CNTN4: variants seen among roughly 807,000 people sequenced by gnomAD.
The protein encoded by CNTN4 is contactin-4.
CNTN4 carries 77 observed loss-of-function variants against 122.5 expected under a neutral mutation model. That is an observed-to-expected ratio of 0.63 (90% CI 0.52 to 0.76). The LOEUF (loss-of-function observed/expected upper bound fraction) is 0.76, where lower values mean the gene tolerates loss of function less well. CNTN4 is among the 30% of genes least tolerant of loss of function. The pLI, the probability that CNTN4 is intolerant of heterozygous loss-of-function variation, is 0.00. For missense variants in CNTN4, 1,256 were observed against 1,259.1 expected (o/e 1.00, Z 0.04); for synonymous variants, 512 against 447.0 (o/e 1.15, Z -1.83).
chr3:2,481,006 A>ATTCTTTCT (rs34152000), intron 3 of CNTN4, among the ~76,000 whole-genome samples: 4 of 123,980 alleles, frequency 3.2e-5, no homozygotes, highest in Non-Finnish European at 5.2e-5. Context: ...AGTTTTTTTA[A>ATTCTTTCT]TTCTTTCTTT....
At chr3:2,111,617 T>C (rs943908222) in intron 2 of CNTN4, among the ~76,000 whole-genome samples, 1 of 152,178 alleles carries the variant, frequency 6.6e-6, no homozygotes, top group Non-Finnish European at 1.5e-5. Context: ...TCATATCCTG[T>C]CTCTACTACT....
chr3:2,924,879 T>C (rs1045764864), intron 12 of CNTN4, among the ~76,000 whole-genome samples: 29 of 152,050 alleles, frequency 1.9e-4, no homozygotes, highest in African/African-American at 6.5e-4. Flanking sequence ...ATATGAAGAG[T>C]GCTATGGGAC....
intron 7 of CNTN4, among the ~76,000 whole-genome samples, chr3:2,851,167 T>C (rs964936987): frequency 6.6e-6 from 1 of 152,274 alleles, no homozygotes; most frequent in Non-Finnish European, 1.5e-5. Context: ...GCATTTTCTA[T>C]GGCGAATATA....
At chr3:2,390,262 TAG>T (rs1276998708) in intron 3 of CNTN4, among the ~76,000 whole-genome samples, 1 of 143,364 alleles carries the variant, frequency 7.0e-6, no homozygotes, top group Non-Finnish European at 1.5e-5. Context: ...ACAGAGGGCA[TAG>T]AAATTATAGA....
At chr3:3,039,883 C>T (rs1699986374) in intron 19 of CNTN4, 154 bp from the exon 20 acceptor site, 2 of 688,458 alleles carry the variant, frequency 2.9e-6, no homozygotes, top group Admixed American at 4.1e-5. Flanking sequence ...GATAGACTGA[C>T]TGCAAGCCCT....
At chr3:2,868,348 C>G (rs1037161489) in intron 8 of CNTN4, among the ~76,000 whole-genome samples, 6 of 152,162 alleles carry the variant, frequency 3.9e-5, no homozygotes, top group Non-Finnish European at 7.3e-5. Flanking sequence ...ACTCCAGAGC[C>G]TGATATCTTA....
intron 3 of CNTN4, among the ~76,000 whole-genome samples, chr3:2,469,688 G>C (rs1320594387): frequency 6.6e-6 from 1 of 152,148 alleles, no homozygotes; most frequent in African/African-American, 2.4e-5. Context: ...ATAGAAGCTA[G>C]AGGTACATTG....
rs1411305509 is a variant in CNTN4 at position 3,010,733 on chromosome 3, C to T, written c.1487-15369C>T. 3.9e-5 allele frequency among the ~76,000 whole-genome samples: 6 copies of T among 152,138 alleles called. No homozygotes were observed. In the East Asian group the frequency reaches 1.2e-3, roughly 29 times the overall value. ...TTAAGACCTACGTCGTTCACCTTCC[C>T]AGTGGTGTCAGGTCATCTCTACAAC... On this transcript the variant is annotated intron_variant, in intron 14 of 24. Coordinates refer to ENST00000418658, the MANE Select transcript of CNTN4 (RefSeq NM_175607.3).
intron 8 of CNTN4, among the ~76,000 whole-genome samples, chr3:2,877,552 G>A (rs1223779433): frequency 6.6e-6 from 1 of 152,160 alleles, no homozygotes; most frequent in Non-Finnish European, 1.5e-5. Flanking sequence ...GAAAAGTATG[G>A]CTGAGGTTGT....
intron 14 of CNTN4, 80 bp downstream of exon 14, chr3:2,988,552 T>G: frequency 7.1e-7 from 1 of 1,417,412 alleles, no homozygotes; most frequent in Non-Finnish European, 1.0e-6. Flanking sequence ...AGTGGCATCA[T>G]TCATATTAAT....
intron 3 of CNTN4, among the ~76,000 whole-genome samples, chr3:2,432,259 A>G (rs187309944): frequency 1.3e-5 from 2 of 152,338 alleles, no homozygotes; most frequent in Non-Finnish European, 2.9e-5. Context: ...CACTGTGCTT[A>G]TGCATTCATG....
At chr3:2,500,823 G>T (rs1027420177) in intron 3 of CNTN4, among the ~76,000 whole-genome samples, 2 of 151,998 alleles carry the variant, frequency 1.3e-5, no homozygotes, top group Admixed American at 6.6e-5. Context: ...GCAGGCTAAT[G>T]AGTCTTTGCA....
intron 7 of CNTN4, among the ~76,000 whole-genome samples, chr3:2,858,350 C>G (rs1190843613): frequency 6.6e-6 from 1 of 152,174 alleles, no homozygotes; most frequent in Non-Finnish European, 1.5e-5. Flanking sequence ...TTGAGAACCA[C>G]TTGTTATAGT....
chr3:2,235,200 G>T (rs1327710892), intron 2 of CNTN4, among the ~76,000 whole-genome samples: 4 of 152,086 alleles, frequency 2.6e-5, no homozygotes, highest in African/African-American at 7.2e-5. Context: ...TGATTATTGT[G>T]AATAGTTTGA....
intron 6 of CNTN4, among the ~76,000 whole-genome samples, chr3:2,752,033 A>G (rs1425423390): frequency 1.3e-5 from 2 of 150,742 alleles, no homozygotes; most frequent in African/African-American, 5.0e-5. Context: ...AAGCATATGT[A>G]AAATCCCAGA....
chr3:2,310,019 A>T (rs1393206112), intron 2 of CNTN4, among the ~76,000 whole-genome samples: 2 of 152,098 alleles, frequency 1.3e-5, no homozygotes, highest in African/African-American at 4.8e-5. Context: ...ACCTCTTTTT[A>T]TATCAACTTA....
intron 4 of CNTN4, among the ~76,000 whole-genome samples, chr3:2,671,401 G>A (rs990971210): frequency 8.5e-5 from 13 of 152,160 alleles, no homozygotes; most frequent in Middle Eastern, 3.4e-3. Context: ...AAGCTTGTGC[G>A]TTCGTCACAT....
At chr3:2,136,681 C>T (rs2034707533) in intron 2 of CNTN4, among the ~76,000 whole-genome samples, 1 of 151,348 alleles carries the variant, frequency 6.6e-6, no homozygotes, top group African/African-American at 2.4e-5. Context: ...TACATTGCTT[C>T]CTTCCTTGGT....
chr3:2,933,683 C>T (rs551536828), intron 13 of CNTN4, among the ~76,000 whole-genome samples: 6 of 152,268 alleles, frequency 3.9e-5, no homozygotes, highest in Admixed American at 3.9e-4. Flanking sequence ...TTCTATTGGG[C>T]TTTCTGTATA....
Sources: allele counts gnomAD v4.1 joint callset (sites outside exome capture counted in the v4.1 genomes callset), GRCh38; gene constraint gnomAD v4.1.1; transcripts MANE v1.5; gene names NCBI Gene and HGNC (gene_info 2026-07-23, HGNC 2026-07-21).